Variants in MINDY2 observed in about 807,000 individuals in gnomAD.
MINDY2 encodes the protein ubiquitin carboxyl-terminal hydrolase MINDY-2.
A neutral mutation model predicts 68.2 loss-of-function variants in MINDY2; 52 were observed. That is an observed-to-expected ratio of 0.76 (90% confidence interval 0.61 to 0.96). The LOEUF is 0.96. MINDY2 is among the 40% of genes least tolerant of loss of function. The pLI is 0.00. For missense variants in MINDY2, 881 were observed against 773.4 expected (o/e 1.14, Z -1.65); for synonymous variants, 372 against 303.0 (o/e 1.23, Z -2.36).
At chr15:58,840,800 G>A (rs1330199951) in intron 6 of MINDY2, among the ~76,000 whole-genome samples, 1 of 147,656 alleles carries the variant, frequency 6.8e-6, no homozygotes, top group African/African-American at 2.5e-5. Flanking sequence ...GGGACTACAG[G>A]CCCCCGCCAC....
chr15:58,793,983 A>C (rs574869402), intron 2 of MINDY2, among the ~76,000 whole-genome samples: 2 of 152,160 alleles, frequency 1.3e-5, no homozygotes, highest in Non-Finnish European at 2.9e-5. Flanking sequence ...GTTCAGCTGC[A>C]CGAGTCCAGG....
chr15:58,861,360 G>C lies in MINDY2; in HGVS notation c.*6750G>C, dbSNP rs1422831531. 6.6e-6 allele frequency: 1 copy of C among 152,136 alleles called. No homozygotes were observed. Among genetic ancestry groups the C allele is most frequent in the Non-Finnish European group, 1.5e-5 (1 of 68,020 alleles). The allele number at this position is 152,136 out of a possible 1,614,324, so 9.4% of individuals were successfully genotyped here. A position where few individuals can be genotyped will look rare whatever the true frequency, so the allele number is the denominator to read the frequency against. On this transcript the variant is annotated 3_prime_UTR_variant, in exon 9 of 9. Transcript: ENST00000559228. ...GTTTTAATATATAGATTACGTATGA[G>C]TGCCTATTTTTTCCTCCTCCTTTCA...
At chr15:58,830,914 CT>C (rs1480378362) in intron 5 of MINDY2, among the ~76,000 whole-genome samples, 4 of 151,990 alleles carry the variant, frequency 2.6e-5, no homozygotes, top group Admixed American at 2.6e-4. Flanking sequence ...CATGAAAATG[CT>C]GCAAGTATTG....
At chr15:58,808,636 G>A (rs1443735178) in intron 3 of MINDY2, among the ~76,000 whole-genome samples, 1 of 151,646 alleles carries the variant, frequency 6.6e-6, no homozygotes, top group Non-Finnish European at 1.5e-5. Flanking sequence ...ACAGAGTCTC[G>A]CCCTGTCGCC....
At chr15:58,783,089 G>A (rs1430557698) in intron 1 of MINDY2, among the ~76,000 whole-genome samples, 3 of 151,134 alleles carry the variant, frequency 2.0e-5, no homozygotes, top group African/African-American at 7.3e-5. Context: ...CTGGCTAATT[G>A]TTTGTATTTT....
rs907822087 is a variant in MINDY2 at position 58,851,818 on chromosome 15, G to A, written c.1590G>A (p.Glu530=). Residue 530 remains glutamate (E), a synonymous_variant, in exon 8 of 9, where the codon GAG becomes GAA. Coordinates refer to ENST00000559228, the MANE Select transcript of MINDY2 (RefSeq NM_001040450.3). Reference sequence around the variant, plus strand: ...TACAACAAGAACAGCAGAGCCAAGAGATCAATTGGGAACAAATCCCGGAAG... The same window carrying A: ...TACAACAAGAACAGCAGAGCCAAGAAATCAATTGGGAACAAATCCCGGAAG... ...LSLQQEQQSQ[E]INWEQIPEGI... is the part of the protein sequence containing the mutation. The A allele has an allele frequency of 2.5e-6, 4 of 1,609,876 alleles. No individual in the cohort carries two copies. The highest frequency in any genetic ancestry group is 3.4e-6 in the Non-Finnish European group (4 of 1,178,958).
chr15:58,772,374 C>A, intron 1 of MINDY2, 139 bp downstream of exon 1: 1 of 1,322,538 alleles, frequency 7.6e-7, no homozygotes, highest in Non-Finnish European at 1.0e-6. Context: ...CATTCCAAGA[C>A]TTCCATGTTG....
chr15:58,804,545 T>C (rs540314671), intron 3 of MINDY2, among the ~76,000 whole-genome samples: 1 of 152,190 alleles, frequency 6.6e-6, no homozygotes, highest in East Asian at 1.9e-4. Context: ...TGGTGGCTCA[T>C]GCCTGTAATC....
chr15:58,813,650 C>T (rs1163754631), intron 4 of MINDY2, among the ~76,000 whole-genome samples: 1 of 152,038 alleles, frequency 6.6e-6, no homozygotes, highest in African/African-American at 2.4e-5. Flanking sequence ...GTTGCCCAGG[C>T]TGGACTTGAA....
In MINDY2 at chr15:58,856,499, A is replaced by T. The variant is rs1334912652; in HGVS notation, c.*1889A>T. ...TGTTACACAATTTGTTATTTCTTCAAATTTCCTATGGTAGCATGATAAATC... is the reference window on the plus strand; with the variant it reads ...TGTTACACAATTTGTTATTTCTTCATATTTCCTATGGTAGCATGATAAATC... On this transcript the variant is annotated 3_prime_UTR_variant, in exon 9 of 9. Coordinates refer to ENST00000559228, the MANE Select transcript of MINDY2 (RefSeq NM_001040450.3). The T allele has an allele frequency of 6.6e-6, 1 of 152,500 alleles. No homozygotes were observed. The highest frequency in any genetic ancestry group is 1.5e-5 in the Non-Finnish European group (1 of 68,034). 9.4% of individuals were successfully genotyped at this position (152,500 alleles called of 1,614,324 possible).
At chr15:58,790,325 A>T (rs1901800092) in intron 2 of MINDY2, among the ~76,000 whole-genome samples, 1 of 152,042 alleles carries the variant, frequency 6.6e-6, no homozygotes, top group Admixed American at 6.6e-5. Flanking sequence ...GTTATATTTT[A>T]TGGGGAAGGC....
chr15:58,826,847 T>C (rs1270457438), intron 5 of MINDY2, among the ~76,000 whole-genome samples: 1 of 152,138 alleles, frequency 6.6e-6, no homozygotes, highest in Non-Finnish European at 1.5e-5. Context: ...TGTAACCTTA[T>C]TCCTTCCTCC....
At chr15:58,828,031 G>A (rs1369731660) in intron 5 of MINDY2, among the ~76,000 whole-genome samples, 2 of 151,622 alleles carry the variant, frequency 1.3e-5, no homozygotes, top group Admixed American at 6.6e-5. Flanking sequence ...TCAGGAGTTC[G>A]AGACCAGCCT....
chr15:58,809,242 C>A (rs1001798980), intron 3 of MINDY2, among the ~76,000 whole-genome samples: 2 of 152,028 alleles, frequency 1.3e-5, no homozygotes, highest in Non-Finnish European at 2.9e-5. Context: ...CCACTTCCCC[C>A]AGTCCCCTGG....
intron 4 of MINDY2, among the ~76,000 whole-genome samples, chr15:58,819,922 C>G (rs1255537675): frequency 3.3e-5 from 5 of 152,092 alleles, no homozygotes; most frequent in African/African-American, 1.2e-4. Flanking sequence ...GGCACTGCAT[C>G]AAAAGATTGA....
chr15:58,806,054 A>G (rs1016865127), intron 3 of MINDY2, among the ~76,000 whole-genome samples: 50 of 152,236 alleles, frequency 3.3e-4, no homozygotes, highest in African/African-American at 1.2e-3. Context: ...AGCCCGGGCG[A>G]CAGAGCGAGA....
chr15:58,830,247 AAC>A (rs2031640757), intron 5 of MINDY2, among the ~76,000 whole-genome samples: 1 of 152,240 alleles, frequency 6.6e-6, no homozygotes, highest in Non-Finnish European at 1.5e-5. Context: ...AGCATTTGGT[AAC>A]ATTTTCATCA....
rs1332455294 is a variant in MINDY2 at position 58,855,905 on chromosome 15, G to A, written c.*1295G>A. 2 of 152,166 alleles carry A rather than the reference G, an allele frequency of 1.3e-5. No individual in the cohort carries two copies. Among genetic ancestry groups the A allele is most frequent in the African/African-American group, 4.8e-5 (2 of 41,312 alleles). 9.4% of individuals were successfully genotyped at this position (152,166 alleles called of 1,614,324 possible). A position where few individuals can be genotyped will look rare whatever the true frequency, so the allele number is the denominator to read the frequency against. The stretch of plus-strand genomic sequence containing the variant: ...GCTGCACTCCAGCCTGGGTGACAGA[G>A]GGAGACTCCGTCTCAAAAAAAAAAA... On this transcript the variant is annotated 3_prime_UTR_variant, in exon 9 of 9. Transcript: ENST00000559228.
At chr15:58,854,362 T>G in intron 8 of MINDY2, 120 bp from the exon 9 acceptor site, 1 of 1,093,606 alleles carries the variant, frequency 9.1e-7, no homozygotes, top group East Asian at 2.5e-5. Context: ...TGTATGCCAA[T>G]AGCTAGCTTC....
Sources: gnomAD v4.1 joint callset for allele counts (sites outside exome capture counted in the v4.1 genomes callset) on GRCh38, gnomAD v4.1.1 for gene constraint, MANE v1.5 for transcripts, NCBI Gene and HGNC (gene_info 2026-07-23, HGNC 2026-07-21) for gene names.